Variants in OPCML observed in about 807,000 individuals in gnomAD.
OPCML encodes the protein opioid-binding protein/cell adhesion molecule.
Under a neutral mutation model 37.8 loss-of-function variants are expected in OPCML, and 13 were observed. The observed-to-expected ratio is 0.34, with a 90% CI of 0.22 to 0.55. The LOEUF (loss-of-function observed/expected upper bound fraction) is 0.55. Among genes scored for constraint, OPCML ranks in the 20% least tolerant of loss-of-function variants. The pLI, the probability that OPCML is intolerant of heterozygous loss-of-function variation, is 0.91. For missense variants in OPCML, 341 were observed against 435.6 expected, an observed-to-expected ratio of 0.78 and a Z score of 1.93; for synonymous variants, 176 against 168.8, an observed-to-expected ratio of 1.04 and a Z score of -0.33.
chr11:133,294,815 CT>C (rs59382534), intron 1 of OPCML, among the ~76,000 whole-genome samples: 1,318 of 56,470 alleles, frequency 0.023, 4 homozygotes, highest in African/African-American at 0.027. Context: ...TTCTTTCTTT[CT>C]TTTTTTTTTT....
At chr11:132,671,509 T>C (rs182196017) in intron 2 of OPCML, among the ~76,000 whole-genome samples, 106 of 152,210 alleles carry the variant, frequency 7.0e-4, no homozygotes, top group African/African-American at 2.5e-3. Context: ...AGGAAGAGGG[T>C]ATTCTTAGCT....
intron 1 of OPCML, among the ~76,000 whole-genome samples, chr11:133,084,942 G>A (rs939433990): frequency 6.6e-6 from 1 of 152,118 alleles, no homozygotes; most frequent in African/African-American, 2.4e-5. Flanking sequence ...TTCAAAGTCC[G>A]ACTCTGCTTT....
chr11:133,150,596 A>G (rs1949965438), intron 1 of OPCML, among the ~76,000 whole-genome samples: 1 of 152,172 alleles, frequency 6.6e-6, no homozygotes, highest in South Asian at 2.1e-4. Context: ...CTGTCCTGAT[A>G]GCTTCCTGAC....
In OPCML at chr11:133,524,640, C is replaced by T. The variant is rs184065067; in HGVS notation, c.61+7624G>A. 2.0e-4 allele frequency among the ~76,000 whole-genome samples: 30 copies of T among 152,354 alleles called. 1 individual carries two copies. The highest frequency in any genetic ancestry group is 1.9e-3 in the Admixed American group (29 of 15,310). On this transcript the variant is annotated intron_variant, in intron 1 of 7. Transcript: ENST00000524381. ...GACTCACACTCTCAGGCGTGTCTGT[C>T]GCAGTGTGCGATGTGAGATCCAAAA... is the stretch of plus-strand genomic sequence containing the variant.
intron 7 of OPCML, among the ~76,000 whole-genome samples, chr11:132,434,835 G>T (rs1311376424): frequency 6.6e-6 from 1 of 152,074 alleles, no homozygotes; most frequent in Admixed American, 6.5e-5. Flanking sequence ...TGGTCTCTGG[G>T]CTGGGTTGCT....
chr11:132,902,266 A>G (rs576981418), intron 2 of OPCML, among the ~76,000 whole-genome samples: 1,907 of 152,272 alleles, frequency 0.013, 53 homozygotes, highest in African/African-American at 0.044. Flanking sequence ...TGTTAGCCCG[A>G]TGGGGATGGG....
chr11:132,776,750 A>G (rs1946823623), intron 2 of OPCML, among the ~76,000 whole-genome samples: 1 of 152,072 alleles, frequency 6.6e-6, no homozygotes, highest in African/African-American at 2.4e-5. Flanking sequence ...ATCCAGCATC[A>G]CATATTCCTT....
At chr11:133,270,125 C>T (rs1458742220) in intron 1 of OPCML, among the ~76,000 whole-genome samples, 1 of 152,118 alleles carries the variant, frequency 6.6e-6, no homozygotes, top group African/African-American at 2.4e-5. Flanking sequence ...TGATTACTTG[C>T]TACTCTGTTA....
intron 3 of OPCML, among the ~76,000 whole-genome samples, chr11:132,555,397 T>G (rs2096393018): frequency 6.6e-6 from 1 of 151,992 alleles, no homozygotes; most frequent in Non-Finnish European, 1.5e-5. Context: ...AAGGGGTTTC[T>G]CCTTATAAAA....
chr11:133,182,603 G>A lies in OPCML; in HGVS notation c.62-239593C>T, dbSNP rs140953743. Among the ~76,000 whole-genome samples the A allele has an allele frequency of 3.0e-3, 463 of 152,236 alleles. 1 individual carries two copies. Among genetic ancestry groups the A allele is most frequent in the African/African-American group, 0.011 (446 of 41,550 alleles). Reference sequence around the variant, plus strand: ...GGTATCCTAATGTCCAGGAAAAAATGCCAAGTGCTGGGAACCTCCCAGGGT... The same window carrying A: ...GGTATCCTAATGTCCAGGAAAAAATACCAAGTGCTGGGAACCTCCCAGGGT... On this transcript the variant is annotated intron_variant, in intron 1 of 7. Transcript: ENST00000524381.
intron 2 of OPCML, among the ~76,000 whole-genome samples, chr11:132,695,168 A>C (rs574697536): frequency 1.3e-5 from 2 of 151,914 alleles, no homozygotes; most frequent in African/African-American, 4.9e-5. Context: ...TATGTGGTAA[A>C]GGTTATGAAA....
chr11:133,265,982 CA>C (rs1941646386), intron 1 of OPCML, among the ~76,000 whole-genome samples: 1 of 151,672 alleles, frequency 6.6e-6, no homozygotes, highest in Non-Finnish European at 1.5e-5. Flanking sequence ...CCTCCGTTTA[CA>C]AAAGGAGAAG....
At chr11:133,140,642 G>A (rs1411592506) in intron 1 of OPCML, among the ~76,000 whole-genome samples, 2 of 139,600 alleles carry the variant, frequency 1.4e-5, no homozygotes, top group East Asian at 2.1e-4. Flanking sequence ...AGGAAGAGGA[G>A]GAAGAGGAAG....
rs375220557 is a variant in OPCML at position 132,710,399 on chromosome 11, T to TA, written c.147-53081dup. On this transcript the variant is annotated intron_variant, in intron 2 of 7. Transcript: ENST00000524381. ...AAATAATCAATAAGTAAAGTACCTA[T>TA]ACTACAGTAAGCATAGTGGCATCCA... Among the ~76,000 whole-genome samples the TA allele has an allele frequency of 4.8e-3, 733 of 152,328 alleles. 8 individuals are homozygous for TA. The highest frequency in any genetic ancestry group is 0.017 in the African/African-American group (702 of 41,578).
At chr11:132,838,664 G>T (rs912058379) in intron 2 of OPCML, among the ~76,000 whole-genome samples, 4 of 152,112 alleles carry the variant, frequency 2.6e-5, no homozygotes, top group Non-Finnish European at 5.9e-5. Context: ...TCAGAAAATC[G>T]ACTTTTAAAA....
At chr11:133,223,187 TA>T (rs1939907656) in intron 1 of OPCML, among the ~76,000 whole-genome samples, 2 of 152,206 alleles carry the variant, frequency 1.3e-5, no homozygotes, top group African/African-American at 4.8e-5. Flanking sequence ...TTCAGTGGCC[TA>T]ACCATTGTCT....
intron 1 of OPCML, chr11:133,421,144 T>G (rs547650956): frequency 1.0e-6 from 1 of 985,172 alleles, no homozygotes; most frequent in African/African-American, 1.7e-5. Flanking sequence ...TATTTAACTC[T>G]GTTGAATAAT....
chr11:132,977,076 A>T (rs908958013), intron 1 of OPCML, among the ~76,000 whole-genome samples: 12 of 152,216 alleles, frequency 7.9e-5, no homozygotes, highest in African/African-American at 2.7e-4. Flanking sequence ...CTGAGAGCTT[A>T]ATTCTCTCAT....
At chr11:133,468,464 A>C (rs902782167) in intron 1 of OPCML, among the ~76,000 whole-genome samples, 4 of 152,224 alleles carry the variant, frequency 2.6e-5, no homozygotes, top group Admixed American at 2.6e-4. Flanking sequence ...GCCAGGAGGC[A>C]CAAGCAGAGC....
Sources: allele counts gnomAD v4.1 joint callset (sites outside exome capture counted in the v4.1 genomes callset), GRCh38; gene constraint gnomAD v4.1.1; transcripts MANE v1.5; gene names NCBI Gene and HGNC (gene_info 2026-07-23, HGNC 2026-07-21).